RPS6KC1: variants seen among roughly 807,000 people sequenced by gnomAD.
RPS6KC1 encodes the protein ribosomal protein S6 kinase C1, also known as inactive ribosomal protein S6 kinase delta-1.
In RPS6KC1, 54 loss-of-function variants were observed where a neutral mutation model predicts 103.8. The ratio of observed to expected loss-of-function variants is 0.52; its 90% CI spans 0.42 to 0.65. RPS6KC1 has a LOEUF of 0.65. Among genes scored for constraint, RPS6KC1 ranks in the 30% least tolerant of loss-of-function variants. RPS6KC1 has a pLI of 0.00. For synonymous variants in RPS6KC1, 439 were observed against 438.7 expected (o/e 1.00, Z -0.01); for missense variants, 1,151 against 1,253.8 (o/e 0.92, Z 1.24).
the RPS6KC1 span, among the ~76,000 whole-genome samples, chr1:213,530,509 G>A: frequency 7.1e-6 from 1 of 140,896 alleles, no homozygotes; most frequent in African/African-American, 2.5e-5. Flanking sequence ...CTCTAGTAGA[G>A]TCAGAGCAGC....
At chr1:213,765,309 C>G in the RPS6KC1 span, among the ~76,000 whole-genome samples, 1 of 152,206 alleles carries the variant, frequency 6.6e-6, no homozygotes, top group Non-Finnish European at 1.5e-5. Flanking sequence ...GAAGGCATCT[C>G]TACTCCAATC....
rs150727119 is a variant in RPS6KC1 at position 213,129,822 on chromosome 1, A to G, written c.768A>G (p.Glu256=). 64 of 1,613,236 alleles carry G rather than the reference A, an allele frequency of 4.0e-5. No homozygotes were observed. In the African/African-American group the frequency reaches 8.4e-4, roughly 21 times the overall value. The change falls in exon 6 of 15, where the codon GAA becomes GAG. Residue 256 remains glutamate (E), a synonymous_variant. Transcript: ENST00000366960. ...LIKLALKKEE[E]DDYEAASDFY... is the part of the protein sequence containing the mutation. Reference sequence around the variant, plus strand: ...AGCTGGCTTTAAAAAAGGAAGAAGAAGACGACTATGAAGCTGCTTCTGATT... The same window carrying G: ...AGCTGGCTTTAAAAAAGGAAGAAGAGGACGACTATGAAGCTGCTTCTGATT...
the RPS6KC1 span, among the ~76,000 whole-genome samples, chr1:213,834,358 C>T: frequency 6.6e-6 from 1 of 152,124 alleles, no homozygotes; most frequent in Non-Finnish European, 1.5e-5. Context: ...GACTGTTCAC[C>T]ACAATGCTGG....
intron 10 of RPS6KC1, among the ~76,000 whole-genome samples, chr1:213,238,069 G>A (rs921305241): frequency 6.6e-6 from 1 of 151,986 alleles, no homozygotes; most frequent in Admixed American, 6.6e-5. Flanking sequence ...TTACATGCTA[G>A]ATAGAATCCT....
chr1:213,717,565 A>C, the RPS6KC1 span, among the ~76,000 whole-genome samples: 1 of 152,170 alleles, frequency 6.6e-6, no homozygotes, highest in Non-Finnish European at 1.5e-5. Context: ...AACGTAGAAG[A>C]CTGGGGCCAA....
the RPS6KC1 span, among the ~76,000 whole-genome samples, chr1:213,514,956 G>T: frequency 6.6e-6 from 1 of 152,178 alleles, no homozygotes; most frequent in African/African-American, 2.4e-5. Flanking sequence ...CTGTGGTTTT[G>T]ATTTGCATTT....
chr1:213,335,558 A>G, the RPS6KC1 span, among the ~76,000 whole-genome samples: 1 of 152,224 alleles, frequency 6.6e-6, no homozygotes, highest in Admixed American at 6.5e-5. Flanking sequence ...TCTTCTCTTT[A>G]ACTACACTTA....
intron 3 of RPS6KC1, among the ~76,000 whole-genome samples, chr1:213,098,552 CAG>C (rs2081696944): frequency 6.6e-6 from 1 of 151,992 alleles, no homozygotes; most frequent in Non-Finnish European, 1.5e-5. Context: ...TGTTGTGTCT[CAG>C]GGAATACAGA....
At chr1:213,192,663 G>A (rs972071417) in intron 8 of RPS6KC1, among the ~76,000 whole-genome samples, 2 of 151,752 alleles carry the variant, frequency 1.3e-5, no homozygotes, top group African/African-American at 2.4e-5. Flanking sequence ...CCAACTTTTT[G>A]GTTTGTTGAT....
At chr1:213,423,874 G>T in the RPS6KC1 span, among the ~76,000 whole-genome samples, 1 of 152,230 alleles carries the variant, frequency 6.6e-6, no homozygotes. Context: ...AGATTAGCGC[G>T]ATGTGAGCAT....
chr1:213,103,445 AAAT>A (rs2082193084), intron 3 of RPS6KC1, among the ~76,000 whole-genome samples: 1 of 152,226 alleles, frequency 6.6e-6, no homozygotes, highest in African/African-American at 2.4e-5. Flanking sequence ...AAAAATGAGG[AAAT>A]AATCTGCCTA....
At chr1:213,841,941 G>T in the RPS6KC1 span, 8 of 152,188 alleles carry the variant, frequency 5.3e-5, no homozygotes, top group Non-Finnish European at 1.2e-4. Context: ...GTTAGCTCAA[G>T]ACAACCTGGA....
chr1:213,741,001 C>CTCAGATATATGTACACATATATATA, the RPS6KC1 span, among the ~76,000 whole-genome samples: 1 of 146,792 alleles, frequency 6.8e-6, no homozygotes, highest in Non-Finnish European at 1.5e-5. Context: ...ATATATATAT[C>CTCAGATATATGTACACATATATATA]TCAGATATAT....
the RPS6KC1 span, among the ~76,000 whole-genome samples, chr1:213,807,274 C>T: frequency 1.6e-4 from 25 of 152,236 alleles, no homozygotes; most frequent in African/African-American, 4.3e-4. Context: ...TTGCTCTTCT[C>T]GAGGAGTATG....
At chr1:213,129,474 G>C (rs187696373) in intron 5 of RPS6KC1, 53 bp from the exon 6 acceptor site, 1 of 1,499,390 alleles carries the variant, frequency 6.7e-7, no homozygotes, top group African/African-American at 1.4e-5. Flanking sequence ...ATTTGTATTC[G>C]TTTGGCTGAT....
At chr1:213,686,259 T>C in the RPS6KC1 span, among the ~76,000 whole-genome samples, 1 of 152,242 alleles carries the variant, frequency 6.6e-6, no homozygotes, top group Non-Finnish European at 1.5e-5. Flanking sequence ...CAAAAGCTTT[T>C]ACTTGCACAT....
the RPS6KC1 span, among the ~76,000 whole-genome samples, chr1:213,446,980 C>A: frequency 6.6e-6 from 1 of 152,000 alleles, no homozygotes; most frequent in African/African-American, 2.4e-5. Context: ...AATAAATGCT[C>A]AATATATATC....
chr1:213,765,078 G>A, the RPS6KC1 span, among the ~76,000 whole-genome samples: 75 of 152,308 alleles, frequency 4.9e-4, no homozygotes, highest in African/African-American at 1.8e-3. Flanking sequence ...CACAGCCACC[G>A]AGGGAAGTGG....
the RPS6KC1 span, among the ~76,000 whole-genome samples, chr1:213,479,961 T>C: frequency 6.6e-6 from 1 of 152,118 alleles, no homozygotes; most frequent in Non-Finnish European, 1.5e-5. Flanking sequence ...ATTTATTCCA[T>C]TGATTTGTCT....
Sources: gnomAD v4.1 joint callset for allele counts (sites outside exome capture counted in the v4.1 genomes callset) on GRCh38, gnomAD v4.1.1 for gene constraint, MANE v1.5 for transcripts, NCBI Gene and HGNC (gene_info 2026-07-23, HGNC 2026-07-21) for gene names.